The following CREB5 variants were observed in gnomAD, a reference collection of about 807,000 sequenced individuals.
CREB5 encodes cyclic AMP-responsive element-binding protein 5.
A neutral mutation model predicts 57.1 loss-of-function variants in CREB5; 19 were observed. The observed-to-expected ratio is 0.33, with a 90% CI of 0.23 to 0.49. The LOEUF is 0.49. CREB5 is among the 20% of genes least tolerant of loss of function. The pLI is 0.99. For synonymous variants in CREB5, 238 were observed against 238.3 expected (o/e 1.00, Z 0.01); for missense variants, 579 against 671.6 (o/e 0.86, Z 1.52).
intron 1 of CREB5, among the ~76,000 whole-genome samples, chr7:28,480,332 A>C (rs1791271441): frequency 6.6e-6 from 1 of 152,224 alleles, no homozygotes; most frequent in Non-Finnish European, 1.5e-5. Context: ...TTCCACCAGT[A>C]TGAAGAATAG....
intron 1 of CREB5, among the ~76,000 whole-genome samples, chr7:28,378,084 G>C (rs544106271): frequency 6.6e-6 from 1 of 152,182 alleles, no homozygotes; most frequent in African/African-American, 2.4e-5. Flanking sequence ...ACCATTCAAG[G>C]CTCCTTAACT....
chr7:28,752,038 C>A (rs1805007606), intron 7 of CREB5, among the ~76,000 whole-genome samples: 1 of 152,058 alleles, frequency 6.6e-6, no homozygotes, highest in African/African-American at 2.4e-5. Context: ...GATGTTGTAC[C>A]CTTTTTGGTC....
chr7:28,563,765 C>T (rs1440481449), intron 4 of CREB5, among the ~76,000 whole-genome samples: 1 of 152,084 alleles, frequency 6.6e-6, no homozygotes, highest in African/African-American at 2.4e-5. Context: ...CTGTGCTCTC[C>T]TCTCCTTTCT....
intron 5 of CREB5, among the ~76,000 whole-genome samples, chr7:28,688,031 A>G (rs1025791566): frequency 3.9e-5 from 6 of 152,228 alleles, no homozygotes; most frequent in Non-Finnish European, 7.3e-5. Flanking sequence ...AAAGTTTGCT[A>G]CAGAGTATTT....
intron 4 of CREB5, among the ~76,000 whole-genome samples, chr7:28,557,926 A>G (rs1319073657): frequency 7.3e-6 from 1 of 137,470 alleles, no homozygotes; most frequent in Non-Finnish European, 1.6e-5. Flanking sequence ...TACCTCAGTG[A>G]CTCCTATTGC....
At chr7:28,539,819 C>T (rs1562784021) in intron 4 of CREB5, among the ~76,000 whole-genome samples, 1 of 152,210 alleles carries the variant, frequency 6.6e-6, no homozygotes, top group Non-Finnish European at 1.5e-5. Context: ...CTTGTGGGAA[C>T]TCAACAAATG....
chr7:28,611,551 T>G (rs1797386713), intron 5 of CREB5, among the ~76,000 whole-genome samples: 1 of 148,606 alleles, frequency 6.7e-6, no homozygotes, highest in Non-Finnish European at 1.5e-5. Context: ...CTGTAATTCC[T>G]GTAATTCCAG....
At chr7:28,335,320 C>T (rs965962622) in intron 1 of CREB5, among the ~76,000 whole-genome samples, 1 of 152,042 alleles carries the variant, frequency 6.6e-6, no homozygotes, top group Non-Finnish European at 1.5e-5. Flanking sequence ...GTTCTTCCAA[C>T]ACATGAACAT....
At position 28,511,537 on chromosome 7, in the gene CREB5, C is replaced by T. The variant is rs531682167; in HGVS notation, c.291+3800C>T. On this transcript the variant is annotated intron_variant, in intron 4 of 10. Coordinates refer to ENST00000357727, the MANE Select transcript of CREB5 (RefSeq NM_182898.4). The stretch of plus-strand genomic sequence containing the variant: ...TCTTACTCTGTTGCCCAGGCTGGAG[C>T]GCAGTGGTGCAATCTCAGCTCACTG... Among the ~76,000 whole-genome samples the T allele has an allele frequency of 1.4e-4, 21 of 152,238 alleles. 1 individual carries two copies. The highest frequency in any genetic ancestry group is 9.8e-4 in the Admixed American group (15 of 15,300).
intron 5 of CREB5, among the ~76,000 whole-genome samples, chr7:28,701,218 G>A (rs373560410): frequency 9.1e-4 from 138 of 152,306 alleles, no homozygotes; most frequent in African/African-American, 3.1e-3. Context: ...GTTCTGAGGC[G>A]CAGGGAAGAC....
chr7:28,489,919 T>C (rs1437581736), intron 2 of CREB5, among the ~76,000 whole-genome samples: 1 of 152,192 alleles, frequency 6.6e-6, no homozygotes, highest in Non-Finnish European at 1.5e-5. Flanking sequence ...GGACTCTTCA[T>C]TGTGGATGCA....
At chr7:28,537,476 G>A (rs1330174412) in intron 4 of CREB5, among the ~76,000 whole-genome samples, 1 of 151,342 alleles carries the variant, frequency 6.6e-6, no homozygotes, top group Non-Finnish European at 1.5e-5. Flanking sequence ...AAATGCCTCA[G>A]AAATGGACAT....
At chr7:28,641,811 C>G (rs370026370) in intron 5 of CREB5, among the ~76,000 whole-genome samples, 2 of 152,316 alleles carry the variant, frequency 1.3e-5, no homozygotes, top group East Asian at 3.9e-4. Context: ...CATTCCTTAC[C>G]TTCTGCTCCT....
At chr7:28,392,704 A>G (rs1230310297) in intron 1 of CREB5, among the ~76,000 whole-genome samples, 1 of 152,146 alleles carries the variant, frequency 6.6e-6, no homozygotes. Flanking sequence ...CTGATAGTTC[A>G]TCTAGTCAAA....
chr7:28,610,538 C>A (rs1797343015), intron 5 of CREB5, among the ~76,000 whole-genome samples: 1 of 152,086 alleles, frequency 6.6e-6, no homozygotes. Context: ...GCTAAATAAA[C>A]CCAATGAAAA....
chr7:28,560,871 T>TGTGTGCGCGTGTGC (rs1795122895), intron 4 of CREB5, among the ~76,000 whole-genome samples: 9 of 38,006 alleles, frequency 2.4e-4, no homozygotes, highest in Non-Finnish European at 4.0e-4. Flanking sequence ...TGTGCCTGCG[T>TGTGTGCGCGTGTGC]GCGCGTGCGT....
chr7:28,799,083 G>T (rs905306564), intron 7 of CREB5, among the ~76,000 whole-genome samples: 6 of 152,322 alleles, frequency 3.9e-5, no homozygotes, highest in South Asian at 2.1e-4. Flanking sequence ...GACGCAGTAG[G>T]TTCCTTAGGA....
intron 4 of CREB5, among the ~76,000 whole-genome samples, chr7:28,523,612 C>T (rs1328034335): frequency 6.6e-6 from 1 of 152,210 alleles, no homozygotes; most frequent in Non-Finnish European, 1.5e-5. Flanking sequence ...TTTTCTTTCT[C>T]ATTTGTCTCT....
chr7:28,814,133 A>G (rs994908225), intron 9 of CREB5, among the ~76,000 whole-genome samples: 2 of 152,200 alleles, frequency 1.3e-5, no homozygotes, highest in Admixed American at 6.5e-5. Context: ...ATTTTGAAAC[A>G]TTTGCTATCT....
Sources: allele counts gnomAD v4.1 joint callset (sites outside exome capture counted in the v4.1 genomes callset), GRCh38; gene constraint gnomAD v4.1.1; transcripts MANE v1.5; gene names NCBI Gene and HGNC (gene_info 2026-07-23, HGNC 2026-07-21).